The following EHBP1 variants were observed in gnomAD, a reference collection of about 807,000 sequenced individuals.
EHBP1 encodes EH domain-binding protein 1.
In EHBP1, 55 loss-of-function variants were observed where a neutral mutation model predicts 144.0. That is an observed-to-expected ratio of 0.38 (90% CI 0.31 to 0.48). The LOEUF (loss-of-function observed/expected upper bound fraction) is 0.48, where lower values mean the gene tolerates loss of function less well. Ranked by LOEUF, EHBP1 falls within the 20% of genes least tolerant of loss-of-function variation. The probability of loss-of-function intolerance (pLI) is 0.98; values close to 1 mark genes in which losing one functional copy is unlikely to be tolerated. For synonymous variants in EHBP1, 469 were observed against 472.7 expected (o/e 0.99, Z 0.10); for missense variants, 1,200 against 1,364.2 (o/e 0.88, Z 1.90).
At chr2:62,750,871 A>G (rs2039632844) in intron 3 of EHBP1, among the ~76,000 whole-genome samples, 1 of 152,208 alleles carries the variant, frequency 6.6e-6, no homozygotes, top group Non-Finnish European at 1.5e-5. Flanking sequence ...TATTAGCTTA[A>G]GGAGATTTTG....
At chr2:62,751,135 TTTA>T (rs2039666122) in intron 3 of EHBP1, among the ~76,000 whole-genome samples, 2 of 152,012 alleles carry the variant, frequency 1.3e-5, no homozygotes. Context: ...ATAAATAGCT[TTTA>T]TTATTTTGAG....
chr2:62,862,997 C>G (rs2049709179), intron 8 of EHBP1, among the ~76,000 whole-genome samples: 1 of 152,004 alleles, frequency 6.6e-6, no homozygotes, highest in Admixed American at 6.6e-5. Context: ...AAAAGTACCA[C>G]TGAGGCCGGG....
At chr2:63,041,274 A>T (rs1574592999) in intron 21 of EHBP1, among the ~76,000 whole-genome samples, 1 of 152,166 alleles carries the variant, frequency 6.6e-6, no homozygotes, top group African/African-American at 2.4e-5. Flanking sequence ...CTACTGAACT[A>T]AGTTGTAGGA....
intron 14 of EHBP1, among the ~76,000 whole-genome samples, chr2:62,965,940 A>G (rs2058225360): frequency 6.6e-6 from 1 of 152,154 alleles, no homozygotes; most frequent in South Asian, 2.1e-4. Context: ...TTACAACTAG[A>G]TTTTGTTAAG....
intron 8 of EHBP1, among the ~76,000 whole-genome samples, chr2:62,860,176 G>GC (rs2049389468): frequency 6.6e-6 from 1 of 152,032 alleles, no homozygotes; most frequent in African/African-American, 2.4e-5. Context: ...TATATATTAT[G>GC]AACATATTTT....
intron 1 of EHBP1, among the ~76,000 whole-genome samples, chr2:62,688,195 G>T (rs1380277160): frequency 6.6e-6 from 1 of 152,134 alleles, no homozygotes; most frequent in African/African-American, 2.4e-5. Flanking sequence ...ATTTCCAATA[G>T]CATGAGAGAG....
At chr2:63,033,720 AAATT>A (rs771023562) in intron 19 of EHBP1, among the ~76,000 whole-genome samples, 143 of 152,260 alleles carry the variant, frequency 9.4e-4, no homozygotes, top group Non-Finnish European at 1.8e-3. Flanking sequence ...AAATAAATAA[AAATT>A]ACATACAGAT....
chr2:62,855,699 CCTCTT>C (rs1255808590), intron 7 of EHBP1, among the ~76,000 whole-genome samples: 2 of 152,164 alleles, frequency 1.3e-5, no homozygotes, highest in African/African-American at 4.8e-5. Flanking sequence ...AATTCCAGGG[CCTCTT>C]CTCTTCTCAG....
chr2:62,797,382 A>G (rs2043614391), intron 5 of EHBP1, among the ~76,000 whole-genome samples: 1 of 152,236 alleles, frequency 6.6e-6, no homozygotes. Flanking sequence ...GCAGAAAAGC[A>G]AAAGGAACTG....
intron 5 of EHBP1, among the ~76,000 whole-genome samples, chr2:62,778,418 C>T (rs1170056686): frequency 6.6e-6 from 1 of 151,838 alleles, no homozygotes; most frequent in African/African-American, 2.4e-5. Flanking sequence ...GTGATGCATG[C>T]TTGTAGACCC....
chr2:62,715,624 G>C (rs2035597944), intron 2 of EHBP1, among the ~76,000 whole-genome samples: 1 of 152,122 alleles, frequency 6.6e-6, no homozygotes, highest in Admixed American at 6.5e-5. Flanking sequence ...CTTCCAATTA[G>C]AGTCTTTGAA....
intron 18 of EHBP1, among the ~76,000 whole-genome samples, chr2:62,994,943 AT>A (rs1297321082): frequency 2.6e-5 from 4 of 152,156 alleles, no homozygotes; most frequent in African/African-American, 7.2e-5. Context: ...ATTTCTTTCT[AT>A]TTTTAACTGA....
At chr2:62,897,967 T>G (rs1302935830) in intron 10 of EHBP1, among the ~76,000 whole-genome samples, 1 of 152,146 alleles carries the variant, frequency 6.6e-6, no homozygotes, top group Non-Finnish European at 1.5e-5. Flanking sequence ...AAGAGCTGAA[T>G]TTTACAGAGT....
intron 5 of EHBP1, among the ~76,000 whole-genome samples, chr2:62,792,336 CT>C (rs1367775791): frequency 6.6e-6 from 1 of 152,004 alleles, no homozygotes; most frequent in Non-Finnish European, 1.5e-5. Context: ...CTTTTCTCTT[CT>C]TTTTAAATAG....
At chr2:62,786,035 T>G (rs551088647) in intron 5 of EHBP1, among the ~76,000 whole-genome samples, 2 of 152,164 alleles carry the variant, frequency 1.3e-5, no homozygotes, top group Admixed American at 6.5e-5. Context: ...AACTAAACAT[T>G]GTTATAAGCA....
rs1057004614 is a variant in EHBP1, at chr2:62,757,432, T to TC, written c.163-6834_163-6833insC. Among the ~76,000 whole-genome samples, 4 of 144,636 alleles carry TC rather than the reference T, an allele frequency of 2.8e-5. No homozygotes were observed. The South Asian group carries it at 6.7e-4, about 24-fold the overall frequency. The allele number at this position is 144,636 out of a possible 152,430, so 94.9% of individuals were successfully genotyped here. On this transcript the variant is annotated intron_variant, in intron 3 of 22. Transcript: ENST00000431489. ...CTTTCTTTCTTTTTTTTTTCTTTTT[T>TC]TTTTTTTTTTTTTGAGGCAGAGTCT...
At chr2:62,954,721 G>T (rs2057590343) in intron 13 of EHBP1, among the ~76,000 whole-genome samples, 1 of 152,066 alleles carries the variant, frequency 6.6e-6, no homozygotes, top group Non-Finnish European at 1.5e-5. Context: ...TGATACTTAT[G>T]ATTGAACCAA....
At chr2:62,694,178 C>T (rs760050670) in intron 1 of EHBP1, among the ~76,000 whole-genome samples, 2 of 152,122 alleles carry the variant, frequency 1.3e-5, no homozygotes, top group African/African-American at 2.4e-5. Context: ...TCCTTAAGGG[C>T]GTTCTTTTTC....
chr2:62,860,106 C>T (rs912049218), intron 8 of EHBP1, among the ~76,000 whole-genome samples: 1 of 152,066 alleles, frequency 6.6e-6, no homozygotes, highest in African/African-American at 2.4e-5. Flanking sequence ...CCCTTCTTAC[C>T]AGACTCTAAA....
Sources: gnomAD v4.1 joint callset for allele counts (sites outside exome capture counted in the v4.1 genomes callset) on GRCh38, gnomAD v4.1.1 for gene constraint, MANE v1.5 for transcripts, NCBI Gene and HGNC (gene_info 2026-07-23, HGNC 2026-07-21) for gene names.